CCSER1: variants seen among roughly 807,000 people sequenced by gnomAD.
CCSER1 encodes coiled-coil serine rich protein 1.
Under a neutral mutation model 82.0 loss-of-function variants are expected in CCSER1, and 41 were observed. The observed-to-expected ratio is 0.50, with a 90% confidence interval of 0.39 to 0.65. The LOEUF is 0.65. CCSER1 is among the 30% of genes least tolerant of loss of function. The pLI is 0.00. For missense variants in CCSER1, 1,119 were observed against 1,064.2 expected, an observed-to-expected ratio of 1.05 and a Z score of -0.72; for synonymous variants, 414 against 383.9, an observed-to-expected ratio of 1.08 and a Z score of -0.92.
At chr4:90,987,882 G>A (rs898169310) in intron 9 of CCSER1, among the ~76,000 whole-genome samples, 1 of 151,516 alleles carries the variant, frequency 6.6e-6, no homozygotes, top group African/African-American at 2.4e-5. Flanking sequence ...AACCCTATAA[G>A]GTTTAATATC....
chr4:91,352,247 T>TGTTAG (rs1553926937), intron 10 of CCSER1, among the ~76,000 whole-genome samples: 1 of 152,176 alleles, frequency 6.6e-6, no homozygotes, highest in Non-Finnish European at 1.5e-5. Context: ...ATTTATTTTA[T>TGTTAG]TTTAGTTTAG....
At chr4:91,541,555 A>G (rs557222309) in intron 10 of CCSER1, among the ~76,000 whole-genome samples, 2 of 152,190 alleles carry the variant, frequency 1.3e-5, no homozygotes, top group South Asian at 4.2e-4. Context: ...AAGGACATGA[A>G]CTCATCCTTT....
chr4:90,869,350 T>C (rs1484332213), intron 8 of CCSER1, among the ~76,000 whole-genome samples: 1 of 152,064 alleles, frequency 6.6e-6, no homozygotes, highest in Non-Finnish European at 1.5e-5. Context: ...GATTTAAGTA[T>C]TATTTCCACT....
At chr4:90,256,481 T>C (rs1723305639) in intron 1 of CCSER1, among the ~76,000 whole-genome samples, 1 of 152,174 alleles carries the variant, frequency 6.6e-6, no homozygotes, top group African/African-American at 2.4e-5. Context: ...TTCTGAATTA[T>C]GCCTGGTGAT....
chr4:91,568,124 T>G (rs374162872), intron 10 of CCSER1, among the ~76,000 whole-genome samples: 1 of 152,160 alleles, frequency 6.6e-6, no homozygotes, highest in Non-Finnish European at 1.5e-5. Context: ...TGGCTGAGTA[T>G]AAAATTTTTG....
chr4:90,361,380 A>T (rs17815118), intron 3 of CCSER1, among the ~76,000 whole-genome samples: 103,336 of 152,190 alleles, frequency 0.68, 37,106 homozygotes, highest in African/African-American at 0.92. Context: ...CTAAAATAAA[A>T]TTACAACTTA....
intron 7 of CCSER1, among the ~76,000 whole-genome samples, chr4:90,791,496 G>A (rs1028477394): frequency 6.6e-6 from 1 of 152,084 alleles, no homozygotes; most frequent in Non-Finnish European, 1.5e-5. Context: ...CCAACAGAAA[G>A]AGTACAACTC....
At chr4:90,951,733 A>G (rs1732936984) in intron 9 of CCSER1, among the ~76,000 whole-genome samples, 1 of 152,106 alleles carries the variant, frequency 6.6e-6, no homozygotes, top group East Asian at 1.9e-4. Flanking sequence ...CATTTTAAAG[A>G]CTTTCAGTGA....
chr4:91,279,549 T>C (rs966477625), intron 10 of CCSER1, among the ~76,000 whole-genome samples: 33 of 152,104 alleles, frequency 2.2e-4, no homozygotes, highest in African/African-American at 7.7e-4. Context: ...TTGAGCATTT[T>C]GTATTTCATT....
At chr4:91,141,696 A>C (rs2148930709) in intron 10 of CCSER1, among the ~76,000 whole-genome samples, 1 of 152,230 alleles carries the variant, frequency 6.6e-6, no homozygotes, top group East Asian at 1.9e-4. Flanking sequence ...TTCTTTGAGA[A>C]ATCTCTAAAC....
At position 90,234,076 on chromosome 4, in the gene CCSER1, A is replaced by T. The variant is rs115833017; in HGVS notation, c.-41-74168A>T. Among the ~76,000 whole-genome samples the T allele has an allele frequency of 5.5e-3, 841 of 152,270 alleles. 7 individuals carry two copies. The highest frequency in any genetic ancestry group is 0.017 in the African/African-American group (720 of 41,570). On this transcript the variant is annotated intron_variant, in intron 1 of 10. Transcript: ENST00000509176. The stretch of plus-strand genomic sequence containing the variant: ...AATACTTTTGAGGTTTGAAATTTTA[A>T]ATCCGAAAATAATAATATTAGGCAG...
intron 1 of CCSER1, among the ~76,000 whole-genome samples, chr4:90,185,116 G>T (rs945488732): frequency 2.6e-5 from 4 of 152,000 alleles, no homozygotes; most frequent in African/African-American, 9.7e-5. Flanking sequence ...GTGAAGGAAC[G>T]ACCTGAAGAG....
intron 1 of CCSER1, among the ~76,000 whole-genome samples, chr4:90,271,860 A>G (rs1298753178): frequency 1.8e-4 from 4 of 22,254 alleles, no homozygotes; most frequent in Admixed American, 1.2e-3. Flanking sequence ...ATATATATAT[A>G]TATTTTTTTT....
intron 1 of CCSER1, among the ~76,000 whole-genome samples, chr4:90,306,982 G>C (rs556784975): frequency 6.6e-4 from 100 of 152,166 alleles, no homozygotes; most frequent in Non-Finnish European, 1.2e-3. Flanking sequence ...AGGAGTTCAT[G>C]ACTAATTACT....
intron 10 of CCSER1, among the ~76,000 whole-genome samples, chr4:91,256,297 C>T (rs752326787): frequency 1.3e-5 from 2 of 152,134 alleles, no homozygotes; most frequent in African/African-American, 4.8e-5. Context: ...TCTCTGCTCT[C>T]GAACCCTGTT....
At chr4:91,322,356 ATTTTAGCTC>A (rs777373125) in intron 10 of CCSER1, among the ~76,000 whole-genome samples, 139 of 152,080 alleles carry the variant, frequency 9.1e-4, no homozygotes, top group Non-Finnish European at 1.7e-3. Flanking sequence ...GTCTCTGTAG[ATTTTAGCTC>A]TTCCCCATAT....
intron 1 of CCSER1, among the ~76,000 whole-genome samples, chr4:90,237,539 G>A (rs535590094): frequency 1.1e-4 from 16 of 152,006 alleles, no homozygotes; most frequent in Admixed American, 4.6e-4. Context: ...AATCTTTGTC[G>A]TATAGGCCAC....
intron 5 of CCSER1, among the ~76,000 whole-genome samples, chr4:90,568,400 A>G (rs1174935092): frequency 1.3e-5 from 2 of 152,184 alleles, no homozygotes; most frequent in Non-Finnish European, 2.9e-5. Context: ...TGACCCCTTT[A>G]TCATGATATA....
chr4:91,556,623 AATATGTTAT>A (rs1189585390), intron 10 of CCSER1, among the ~76,000 whole-genome samples: 1 of 151,090 alleles, frequency 6.6e-6, no homozygotes. Context: ...TACTGGATGA[AATATGTTAT>A]ATAAAGAGCA....
Sources: gnomAD v4.1 joint callset for allele counts (sites outside exome capture counted in the v4.1 genomes callset) on GRCh38, gnomAD v4.1.1 for gene constraint, MANE v1.5 for transcripts, NCBI Gene and HGNC (gene_info 2026-07-23, HGNC 2026-07-21) for gene names.